KALRN: variants seen among roughly 807,000 people sequenced by gnomAD.
The protein encoded by KALRN is kalirin.
A neutral mutation model predicts 353.7 loss-of-function variants in KALRN; 70 were observed. The ratio of observed to expected loss-of-function variants is 0.20; its 90% confidence interval spans 0.16 to 0.24. The LOEUF is 0.24. KALRN is among the 10% of genes least tolerant of loss of function. The pLI is 1.00. For synonymous variants in KALRN, 1,391 were observed against 1,434.8 expected, an observed-to-expected ratio of 0.97 and a Z score of 0.69; for missense variants, 2,791 against 3,756.7, an observed-to-expected ratio of 0.74 and a Z score of 6.72.
chr3:124,056,308 T>G (rs573182135), intron 1 of KALRN, among the ~76,000 whole-genome samples: 1 of 152,310 alleles, frequency 6.6e-6, no homozygotes, highest in Admixed American at 6.5e-5. Context: ...GTCTGTCCTT[T>G]GGATGTCAGT....
intron 1 of KALRN, among the ~76,000 whole-genome samples, chr3:124,161,217 T>A (rs2069891940): frequency 6.6e-6 from 1 of 152,230 alleles, no homozygotes; most frequent in South Asian, 2.1e-4. Context: ...AAAGCTGATA[T>A]GTGAGTAAAT....
At chr3:124,358,791 G>A (rs899715340) in intron 10 of KALRN, among the ~76,000 whole-genome samples, 2 of 152,182 alleles carry the variant, frequency 1.3e-5, no homozygotes, top group Admixed American at 6.5e-5. Flanking sequence ...GAGGCACAGA[G>A]ACTAAATGAG....
At chr3:124,119,156 G>A (rs537068403) in intron 1 of KALRN, among the ~76,000 whole-genome samples, 1 of 151,630 alleles carries the variant, frequency 6.6e-6, no homozygotes, top group South Asian at 2.1e-4. Flanking sequence ...CAAGGCGAGA[G>A]GCAACAGGGA....
intron 37 of KALRN, among the ~76,000 whole-genome samples, chr3:124,647,342 T>C (rs1420158328): frequency 6.6e-6 from 1 of 152,156 alleles, no homozygotes; most frequent in Non-Finnish European, 1.5e-5. Flanking sequence ...AACACACAGT[T>C]ACTTGCCACC....
chr3:124,474,719 G>C lies in KALRN; in HGVS notation c.4088G>C (p.Cys1363Ser). 6.2e-7 allele frequency: 1 copy of C among 1,613,892 alleles called. No individual in the cohort carries two copies. Residue 1363 changes from cysteine (C) to serine (S), a missense_variant, in exon 26 of 60, where the codon TGC (cysteine) becomes TCC (serine). By Grantham distance (112) the Cys-to-Ser change is moderately radical (BLOSUM62 -1). This residue lies in a region of KALRN where 54 missense variants were observed against 131.7 expected (regional missense o/e 0.41). Coordinates refer to ENST00000682506, the MANE Select transcript of KALRN (RefSeq NM_001388419.1). ...YEQLPEDVGH[C>S]FVTWADKFQM... The stretch of plus-strand genomic sequence containing the variant: ...CAACTGCCTGAGGATGTGGGACACT[G>C]CTTTGTTACCTGGGTAACCAACCTG...
chr3:124,191,582 G>A (rs1490877987), intron 1 of KALRN, among the ~76,000 whole-genome samples: 1 of 152,232 alleles, frequency 6.6e-6, no homozygotes, highest in African/African-American at 2.4e-5. Context: ...GCTGGGGCTG[G>A]AATGTCTAAG....
intron 1 of KALRN, among the ~76,000 whole-genome samples, chr3:124,156,688 A>T (rs748400046): frequency 4.6e-5 from 7 of 152,320 alleles, no homozygotes; most frequent in Non-Finnish European, 8.8e-5. Flanking sequence ...AAAGCAGTGC[A>T]CTTGTCAAGA....
At chr3:124,383,633 C>T (rs578040088) in intron 10 of KALRN, among the ~76,000 whole-genome samples, 85 of 152,182 alleles carry the variant, frequency 5.6e-4, no homozygotes, top group African/African-American at 1.9e-3. Flanking sequence ...ATCTATCCTA[C>T]TATAGTATGA....
At chr3:124,439,190 T>TCACACACACACACACACACA (rs1173931984) in intron 18 of KALRN, among the ~76,000 whole-genome samples, 153 bp downstream of exon 18, 2 of 58,064 alleles carry the variant, frequency 3.4e-5, no homozygotes, top group African/African-American at 7.2e-5. Flanking sequence ...CTTCTCCTTC[T>TCACACACACACACACACACA]CTCTCTCTCT....
intron 1 of KALRN, among the ~76,000 whole-genome samples, chr3:124,199,731 A>G (rs966301034): frequency 6.6e-6 from 1 of 152,208 alleles, no homozygotes; most frequent in East Asian, 1.9e-4. Context: ...AGCCTGAGCA[A>G]TATGAGCCTG....
chr3:124,039,861 T>C (rs947418856), intron 1 of KALRN, among the ~76,000 whole-genome samples: 6 of 152,180 alleles, frequency 3.9e-5, no homozygotes, highest in African/African-American at 1.4e-4. Context: ...CTTGATCTCC[T>C]CCACTTTCAC....
At chr3:124,368,376 C>T (rs2085301580) in intron 10 of KALRN, among the ~76,000 whole-genome samples, 1 of 149,510 alleles carries the variant, frequency 6.7e-6, no homozygotes, top group African/African-American at 2.5e-5. Flanking sequence ...CTCCTCACCT[C>T]CCAGACGGGG....
At chr3:124,548,013 G>C (rs1429817923) in intron 33 of KALRN, among the ~76,000 whole-genome samples, 1 of 152,128 alleles carries the variant, frequency 6.6e-6, no homozygotes, top group Non-Finnish European at 1.5e-5. Context: ...AAAGAAATTT[G>C]CTCTCCATCT....
intron 51 of KALRN, among the ~76,000 whole-genome samples, chr3:124,691,150 C>T (rs991901095): frequency 3.3e-5 from 5 of 151,960 alleles, no homozygotes; most frequent in African/African-American, 9.7e-5. Flanking sequence ...AAAGTGAGTC[C>T]GGGCGTGGTG....
chr3:124,100,287 G>T (rs1189449638), intron 1 of KALRN: 2 of 152,162 alleles, frequency 1.3e-5, no homozygotes, highest in East Asian at 3.9e-4. Flanking sequence ...TCAGTCCCAT[G>T]TTGGATTAAC....
chr3:124,190,802 C>A (rs28702819), intron 1 of KALRN, among the ~76,000 whole-genome samples: 1 of 152,174 alleles, frequency 6.6e-6, no homozygotes, highest in Admixed American at 6.5e-5. Flanking sequence ...CCAATCAGTT[C>A]TTCAGCAGAC....
intron 27 of KALRN, among the ~76,000 whole-genome samples, chr3:124,482,606 T>C (rs894855842): frequency 6.6e-6 from 1 of 152,104 alleles, no homozygotes; most frequent in Non-Finnish European, 1.5e-5. Flanking sequence ...CTTTTTACTC[T>C]CTCTCCTATT....
intron 1 of KALRN, among the ~76,000 whole-genome samples, chr3:124,179,585 G>A (rs1478026327): frequency 6.6e-6 from 1 of 152,120 alleles, no homozygotes; most frequent in African/African-American, 2.4e-5. Context: ...AATATGCATT[G>A]TACATAATTG....
chr3:124,424,217 C>T (rs899240441), intron 15 of KALRN, among the ~76,000 whole-genome samples: 1 of 152,080 alleles, frequency 6.6e-6, no homozygotes, highest in African/African-American at 2.4e-5. Context: ...CTGCCCCACT[C>T]TACCCAAATC....
Sources: allele counts gnomAD v4.1 joint callset (sites outside exome capture counted in the v4.1 genomes callset), GRCh38; gene constraint gnomAD v4.1.1; regional missense constraint gnomAD v4.1.1; transcripts MANE v1.5; gene names NCBI Gene and HGNC (gene_info 2026-07-23, HGNC 2026-07-21).